Variants in CHD4 observed in about 807,000 individuals in gnomAD.
CHD4 encodes the protein ATP-dependent chromatin remodeler CHD4.
A neutral mutation model predicts 235.5 loss-of-function variants in CHD4; 35 were observed. The observed-to-expected ratio is 0.15, with a 90% CI of 0.11 to 0.20. The LOEUF is 0.20. Among genes scored for constraint, CHD4 ranks in the 10% least tolerant of loss-of-function variants. The pLI, the probability that CHD4 is intolerant of heterozygous loss-of-function variation, is 1.00. For synonymous variants in CHD4, 900 were observed against 850.2 expected (o/e 1.06, Z -1.02); for missense variants, 1,329 against 2,432.3 (o/e 0.55, Z 9.54).
intron 35 of CHD4, 120 bp from the exon 36 acceptor site, chr12:6,578,257 G>C: frequency 7.5e-7 from 1 of 1,333,548 alleles, no homozygotes; most frequent in South Asian, 1.2e-5. Flanking sequence ...CATATAATTT[G>C]CTTCTGGCTT....
chr12:6,606,171 G>A, intron 2 of CHD4, 103 bp downstream of exon 2: 1 of 780,342 alleles, frequency 1.3e-6, no homozygotes, highest in Non-Finnish European at 2.1e-6. Context: ...CTCCGGCTCT[G>A]CACAGAGACA....
At chr12:6,599,043 G>C (rs1426908957) in intron 10 of CHD4, among the ~76,000 whole-genome samples, 1 of 152,212 alleles carries the variant, frequency 6.6e-6, no homozygotes, top group Admixed American at 6.5e-5. Context: ...CCAGTAGTTA[G>C]ACTTTAACAA....
Position 6,587,572 on chromosome 12 carries a change from A to G in CHD4, c.3704-13T>C. 1 of 1,613,348 alleles carries G rather than the reference A, an allele frequency of 6.2e-7. No individual in the cohort carries two copies. The highest frequency in any genetic ancestry group is 8.5e-7 in the Non-Finnish European group (1 of 1,179,570). On this transcript the variant is annotated splice_polypyrimidine_tract_variant and intron_variant, in intron 24 of 39. Coordinates refer to ENST00000544040, the MANE Select transcript of CHD4 (RefSeq NM_001273.5). ...TTGTTGTCTCCTCCTATAAAAAATC[A>G]AGGGCCCACATCCCCAAAGTCAGTT...
In CHD4 at chr12:6,581,749, G is replaced by A; in HGVS notation, c.4581C>T (p.Asn1527=). ...SMPELAEVEE[N]KKMSQPGSPS... is the part of the protein sequence containing the mutation. ...GTGACCCTGGCTGGGACATCTTCTT[G>A]TTTTCCTCCACCTCAGCCAGTTCAG... Residue 1527 remains asparagine, a synonymous_variant, in exon 31 of 40, where the codon AAC becomes AAT. Transcript: ENST00000544040. The A allele has an allele frequency of 6.3e-7, 1 of 1,598,942 alleles. No homozygotes were observed.
chr12:6,587,668 G>A (rs781640207), intron 24 of CHD4, 44 bp downstream of exon 24: 6 of 1,608,330 alleles, frequency 3.7e-6, no homozygotes, highest in African/African-American at 2.7e-5. Flanking sequence ...AACCTTTAGA[G>A]AGGCCAAGCC....
In CHD4 at chr12:6,602,174, C is replaced by A. The variant is rs755840734; in HGVS notation, c.224G>T (p.Arg75Leu). ...IPKSKRQKKE[R>L]MLLCRQLGDS... ...CCCCAGCTGCCGGCATAAGAGCATA[C>A]GCTGGAGCAGGGCAAGGGGGGAAGA... Residue 75 changes from arginine to leucine, a missense_variant and splice_region_variant, in exon 4 of 40, where the codon CGT becomes CTT. Physicochemically the swap from Arg to Leu is moderately radical, Grantham distance 102. This residue lies in a region of CHD4 where 213 missense variants were observed against 177.5 expected (regional missense o/e 1.20). Coordinates refer to ENST00000544040, the MANE Select transcript of CHD4 (RefSeq NM_001273.5). 3 of 1,613,896 alleles carry A rather than the reference C, an allele frequency of 1.9e-6. No individual in the cohort carries two copies. The East Asian group carries it at 6.7e-5, about 36-fold the overall frequency.
chr12:6,570,739 C>A, intron 39 of CHD4, 46 bp from the exon 40 acceptor site: 1 of 1,613,834 alleles, frequency 6.2e-7, no homozygotes, highest in Non-Finnish European at 8.5e-7. Flanking sequence ...TGATAGGAAT[C>A]CACCCAATCT....
At chr12:6,594,378 C>T in intron 15 of CHD4, 81 bp downstream of exon 15, 4 of 1,351,746 alleles carry the variant, frequency 3.0e-6, no homozygotes, top group Non-Finnish European at 3.0e-6. Context: ...TTTTTATTCC[C>T]TTATCTCTCT....
At chr12:6,590,925 C>T (rs1435433529) in intron 22 of CHD4, among the ~76,000 whole-genome samples, 2 of 151,790 alleles carry the variant, frequency 1.3e-5, no homozygotes, top group African/African-American at 4.8e-5. Context: ...GAGATCGAGA[C>T]CATCTTGGCC....
chr12:6,578,869 G>T lies in CHD4; in HGVS notation c.4958C>A (p.Thr1653Asn). The stretch of plus-strand genomic sequence containing the variant: ...ACCTTTGTCTTCTACCACAATAGGG[G>T]TCAGATCTATTGCTGACTTTTCCTC... ...KVEEKSAIDL[T>N]PIVVEDKEEK... The change falls in exon 34 of 40, where the codon ACC (threonine) becomes AAC (asparagine). Residue 1653 changes from threonine (T) to asparagine (N), a missense_variant. Physicochemically the swap from Thr to Asn is moderately conservative, Grantham distance 65. Coordinates refer to ENST00000544040, the MANE Select transcript of CHD4 (RefSeq NM_001273.5). 1 of 1,614,192 alleles carries T rather than the reference G, an allele frequency of 6.2e-7. No individual in the cohort carries two copies. The highest frequency in any genetic ancestry group is 8.5e-7 in the Non-Finnish European group (1 of 1,180,018).
In CHD4 at chr12:6,606,299, G is replaced by T; in HGVS notation, c.75C>A (p.Asn25Lys). The change falls in exon 2 of 40, where the codon AAC (asparagine) becomes AAA (lysine). Residue 25 changes from asparagine (N) to lysine (K), a missense_variant. Transcript: ENST00000544040. ...CTGGGTGGGGTGGGGGCAGGCTGTT[G>T]TTCAAAAGTGCATCCATATCCTCCT... ...SEEEDMDALL[N>K]NSLPPPHPEN... is the part of the protein sequence containing the mutation. 4 of 1,585,996 alleles carry T rather than the reference G, an allele frequency of 2.5e-6. No individual in the cohort carries two copies. The highest frequency in any genetic ancestry group is 2.6e-6 in the Non-Finnish European group (3 of 1,167,754).
Position 6,597,935 on chromosome 12 carries a change from T to G in CHD4, c.1851A>C (p.Ile617=), listed in dbSNP as rs1226071732. 6.2e-7 allele frequency: 1 copy of G among 1,614,112 alleles called. No individual in the cohort carries two copies. The highest frequency in any genetic ancestry group is 1.3e-5 in the African/African-American group (1 of 74,934). ...GGTGGATCATCATCCACTCGGGTTT[T>G]ATCCCATAGCGATAGAAGCGTTCCT... ...EMEERFYRYG[I]KPEWMMIHRI... The change falls in exon 12 of 40, where the codon ATA becomes ATC. Residue 617 remains isoleucine (I), a synonymous_variant. Coordinates refer to ENST00000544040, the MANE Select transcript of CHD4 (RefSeq NM_001273.5).
At position 6,588,288 on chromosome 12, in the gene CHD4, C is replaced by T; in HGVS notation, c.3465+10G>A. 1 of 1,612,824 alleles carries T rather than the reference C, an allele frequency of 6.2e-7. No homozygotes were observed. The highest frequency in any genetic ancestry group is 8.5e-7 in the Non-Finnish European group (1 of 1,179,086). The stretch of plus-strand genomic sequence containing the variant: ...GTTACTTATTAAGGCTGCCTGCTGC[C>T]TCTGCTCACCTGAATGTCATTATGG... On this transcript the variant is annotated intron_variant, in intron 23 of 39. Transcript: ENST00000544040.
rs751060480 is a variant in CHD4 at position 6,596,029 on chromosome 12, G to C, written c.2001C>G (p.Phe667Leu). The C allele has an allele frequency of 3.1e-6, 5 of 1,612,704 alleles. No homozygotes were observed. The African/African-American group carries it at 6.7e-5, about 22-fold the overall frequency. Residue 667 changes from phenylalanine (F) to leucine (L), a missense_variant, in exon 13 of 40, where the codon TTC becomes TTG. By Grantham distance (22) the Phe-to-Leu change is conservative (BLOSUM62 0). Coordinates refer to ENST00000544040, the MANE Select transcript of CHD4 (RefSeq NM_001273.5). ...EDVEIQDYDL[F>L]KQSYWNHREL... ...ACCTGTGATTCCAATAGCTCTGCTT[G>C]AACAGGTCGTAATCCTGGATCTCCA...
chr12:6,578,568 A>T (rs1032926781), intron 34 of CHD4, 22 bp from the exon 35 acceptor site: 20 of 1,607,644 alleles, frequency 1.2e-5, no homozygotes, highest in Non-Finnish European at 1.5e-5. Context: ...GGGGAAGAAA[A>T]ATGTCAGCTC....
intron 37 of CHD4, among the ~76,000 whole-genome samples, chr12:6,577,274 C>A (rs529461648): frequency 6.7e-6 from 1 of 149,770 alleles, no homozygotes; most frequent in East Asian, 2.0e-4. Flanking sequence ...CCAAAAAAAA[C>A]AGCTGGGTGT....
At chr12:6,575,219 G>A (rs113244573) in intron 37 of CHD4, among the ~76,000 whole-genome samples, 2,943 of 152,200 alleles carry the variant, frequency 0.019, 45 homozygotes, top group Non-Finnish European at 0.028. Context: ...AGGACAAGGC[G>A]GGCAGATCAC....
intron 34 of CHD4, 115 bp from the exon 35 acceptor site, chr12:6,578,661 G>C: frequency 6.6e-7 from 1 of 1,524,886 alleles, no homozygotes; most frequent in Non-Finnish European, 9.0e-7. Flanking sequence ...TCTCCACCTG[G>C]GTGTCTCTCA....
At chr12:6,577,654 T>C in intron 37 of CHD4, 131 bp downstream of exon 37, 2 of 1,248,272 alleles carry the variant, frequency 1.6e-6, no homozygotes, top group Non-Finnish European at 2.2e-6. Flanking sequence ...GTAAGTTACT[T>C]GGGAGCAAAG....
Sources: allele counts gnomAD v4.1 joint callset (sites outside exome capture counted in the v4.1 genomes callset), GRCh38; gene constraint gnomAD v4.1.1; regional missense constraint gnomAD v4.1.1; transcripts MANE v1.5; gene names NCBI Gene and HGNC (gene_info 2026-07-23, HGNC 2026-07-21).